Variants in DCAF6 observed in about 807,000 individuals in gnomAD.
DCAF6 encodes DDB1- and CUL4-associated factor 6.
DCAF6 carries 54 observed loss-of-function variants against 125.1 expected under a neutral mutation model. That is an observed-to-expected ratio of 0.43 (90% CI 0.35 to 0.54). DCAF6 has a LOEUF of 0.54. Ranked by LOEUF, DCAF6 falls within the 20% of genes least tolerant of loss-of-function variation. DCAF6 has a pLI of 0.01. For synonymous variants in DCAF6, 371 were observed against 390.4 expected (o/e 0.95, Z 0.58); for missense variants, 934 against 1,161.7 (o/e 0.80, Z 2.85).
chr1:167,945,640 C>A (rs898517061), intron 1 of DCAF6, among the ~76,000 whole-genome samples: 9 of 151,894 alleles, frequency 5.9e-5, no homozygotes, highest in African/African-American at 2.2e-4. Flanking sequence ...TACAAGTGCG[C>A]ACCACTATGC....
In DCAF6 at chr1:167,951,931, C is replaced by G; in HGVS notation, c.159+70C>G. ...GTGTTTAAGTGTTTGATGAAATGTC[C>G]CAATCCTCCCAGAAAGGATTGTGAC... On this transcript the variant is annotated intron_variant, in intron 2 of 21. Coordinates refer to ENST00000367840, the MANE Select transcript of DCAF6 (RefSeq NM_001198956.2). The G allele has an allele frequency of 3.2e-6, 3 of 925,270 alleles. No homozygotes were observed. In the South Asian group the frequency reaches 4.7e-5, roughly 14 times the overall value. 57.3% of individuals were successfully genotyped at this position (925,270 alleles called of 1,614,324 possible).
At chr1:167,986,167 C>A (rs184655621) in intron 4 of DCAF6, among the ~76,000 whole-genome samples, 1 of 152,182 alleles carries the variant, frequency 6.6e-6, no homozygotes, top group Non-Finnish European at 1.5e-5. Flanking sequence ...AATAGTGCTG[C>A]TGTGAACATT....
upstream of DCAF6, among the ~76,000 whole-genome samples, chr1:167,931,234 T>C (rs1670900345): frequency 6.6e-6 from 1 of 152,134 alleles, no homozygotes; most frequent in Non-Finnish European, 1.5e-5. Flanking sequence ...GCCCAGCTGA[T>C]ATTCCTTTTT....
At chr1:167,870,349 G>A in the DCAF6 span, 1 of 1,613,552 alleles carries the variant, frequency 6.2e-7, no homozygotes, top group African/African-American at 1.3e-5. Flanking sequence ...AGACTTGGCT[G>A]CTGTTAGATA....
At chr1:168,016,054 T>C in intron 11 of DCAF6, 103 bp downstream of exon 11, 2 of 1,051,402 alleles carry the variant, frequency 1.9e-6, no homozygotes, top group East Asian at 3.2e-5. Flanking sequence ...AGAGAGCTAA[T>C]GCGCTTGCAG....
At chr1:168,046,153 T>C (rs1362483148) in intron 16 of DCAF6, among the ~76,000 whole-genome samples, 1 of 152,130 alleles carries the variant, frequency 6.6e-6, no homozygotes, top group Non-Finnish European at 1.5e-5. Context: ...CAGTGTTTTT[T>C]CATTCAAATT....
chr1:167,988,371 C>T (rs1295620360), intron 5 of DCAF6, among the ~76,000 whole-genome samples: 1 of 151,958 alleles, frequency 6.6e-6, no homozygotes, highest in African/African-American at 2.4e-5. Context: ...GCCATATTGC[C>T]TAGGCTGGTG....
intron 10 of DCAF6, among the ~76,000 whole-genome samples, chr1:168,007,962 CTTTT>C (rs35185748): frequency 1.5e-3 from 102 of 67,476 alleles, no homozygotes; most frequent in African/African-American, 6.4e-3. Flanking sequence ...TGTTGTACAT[CTTTT>C]TTTTTTTTTT....
intron 17 of DCAF6, among the ~76,000 whole-genome samples, chr1:168,052,647 C>T (rs986136200): frequency 5.9e-5 from 9 of 152,186 alleles, no homozygotes; most frequent in African/African-American, 1.9e-4. Context: ...ATGTTTATAT[C>T]TACTGCCCGT....
chr1:168,032,662 A>C (rs1462932634), intron 12 of DCAF6, among the ~76,000 whole-genome samples: 1 of 152,238 alleles, frequency 6.6e-6, no homozygotes, highest in Admixed American at 6.5e-5. Flanking sequence ...ATATCATTAT[A>C]TAATCATACA....
the DCAF6 span, among the ~76,000 whole-genome samples, chr1:167,927,708 GC>G: frequency 6.6e-6 from 1 of 152,170 alleles, no homozygotes; most frequent in Non-Finnish European, 1.5e-5. Flanking sequence ...CAGTAGGTTT[GC>G]CTGGTAACTA....
chr1:168,044,425 A>G (rs1688906601), intron 14 of DCAF6, among the ~76,000 whole-genome samples, 160 bp from the exon 15 acceptor site: 2 of 152,158 alleles, frequency 1.3e-5, no homozygotes, highest in Non-Finnish European at 1.5e-5. Flanking sequence ...TAATATAGAG[A>G]TAATTTACAG....
At chr1:168,056,419 CCATGTTCGCAGGGGT>C (rs1338420153) in intron 17 of DCAF6, 2 of 1,341,878 alleles carry the variant, frequency 1.5e-6, no homozygotes, top group Non-Finnish European at 1.9e-6. Flanking sequence ...ACTCGCAGCG[CCATGTTCGCAGGGGT>C]GCGGGGGTCG....
rs1234656424 is a variant in DCAF6, at chr1:167,969,660, G to T, written c.252+2939G>T. Among the ~76,000 whole-genome samples, 3 of 152,130 alleles carry T rather than the reference G, an allele frequency of 2.0e-5. No homozygotes were observed. In the South Asian group the frequency reaches 6.2e-4, roughly 32 times the overall value. On this transcript the variant is annotated intron_variant, in intron 3 of 21. Coordinates refer to ENST00000367840, the MANE Select transcript of DCAF6 (RefSeq NM_001198956.2). The stretch of plus-strand genomic sequence containing the variant: ...ATATTGAGGCTGTCTTTAATGGGTC[G>T]TAGTTTTATTTCATTAAGTTTTACT...
chr1:167,977,390 T>G (rs1298178773), intron 4 of DCAF6, among the ~76,000 whole-genome samples: 1 of 152,114 alleles, frequency 6.6e-6, no homozygotes, highest in Non-Finnish European at 1.5e-5. Context: ...TGATAGTTAC[T>G]GTATTTCAGA....
At chr1:168,008,270 A>G (rs1313291642) in intron 10 of DCAF6, among the ~76,000 whole-genome samples, 8 of 152,044 alleles carry the variant, frequency 5.3e-5, no homozygotes, top group Admixed American at 3.3e-4. Flanking sequence ...CACCCGGCCT[A>G]TTGTTGTACG....
At chr1:167,936,613 T>A, upstream of DCAF6, 2 of 302,666 alleles carry the variant, frequency 6.6e-6, no homozygotes, top group Non-Finnish European at 1.2e-5. Context: ...GAGGGAGGAG[T>A]CGCCATCGCC....
At chr1:168,017,044 TATG>T (rs1685068246) in intron 11 of DCAF6, among the ~76,000 whole-genome samples, 1 of 151,966 alleles carries the variant, frequency 6.6e-6, no homozygotes, top group African/African-American at 2.4e-5. Context: ...GTAATATAGA[TATG>T]ATGTTTGGGA....
chr1:168,033,056 G>C (rs1687307208), intron 12 of DCAF6, among the ~76,000 whole-genome samples: 1 of 151,244 alleles, frequency 6.6e-6, no homozygotes, highest in Non-Finnish European at 1.5e-5. Context: ...GTATGTCTTT[G>C]AGCATCTTTT....
Sources: allele counts gnomAD v4.1 joint callset (sites outside exome capture counted in the v4.1 genomes callset), GRCh38; gene constraint gnomAD v4.1.1; transcripts MANE v1.5; gene names NCBI Gene and HGNC (gene_info 2026-07-23, HGNC 2026-07-21).